The following SMAD9 variants were observed in gnomAD, a reference collection of about 807,000 sequenced individuals.
SMAD9 encodes MAD homolog 9.
SMAD9 carries 36 observed loss-of-function variants against 46.1 expected under a neutral mutation model. That is an observed-to-expected ratio of 0.78 (90% CI 0.60 to 1.03). SMAD9 has a LOEUF of 1.03. Ranked by LOEUF, SMAD9 falls within the 50% of genes least tolerant of loss-of-function variation. The pLI is 0.00. For missense variants in SMAD9, 572 were observed against 599.8 expected (o/e 0.95, Z 0.48); for synonymous variants, 245 against 237.1 (o/e 1.03, Z -0.31).
chr13:36,849,276 T>A (rs1331331866), intron 6 of SMAD9: 1 of 7,318 alleles, frequency 1.4e-4, no homozygotes, highest in African/African-American at 3.6e-4. Context: ...GCTTGCTTAT[T>A]CTCTCTCTCT....
rs138461994 is a variant in SMAD9 at position 36,859,713 on chromosome 13, C to T, written c.1003+5824G>A. ...CGGTGGCTCACGCCTGAAATCCCAG[C>T]ACTTTGGGAAGCCGAGGCGGGTGGA... On this transcript the variant is annotated intron_variant, in intron 5 of 6. Coordinates refer to ENST00000379826, the MANE Select transcript of SMAD9 (RefSeq NM_001127217.3). Among the ~76,000 whole-genome samples, 130 of 152,302 alleles carry T rather than the reference C, an allele frequency of 8.5e-4. 2 individuals carry two copies. The highest frequency in any genetic ancestry group is 2.9e-3 in the African/African-American group (122 of 41,576).
Position 36,887,186 on chromosome 13 carries a change from G to C in SMAD9, c.-186-7311C>G, listed in dbSNP as rs147620489. On this transcript the variant is annotated intron_variant, in intron 1 of 6. Transcript: ENST00000379826. ...TGTCCAGTTTGAATGGGTTTGAAAA[G>C]CAAAGAAGTTAAATGATCTGACTAG... 3.2e-4 allele frequency among the ~76,000 whole-genome samples: 45 copies of C among 139,454 alleles called. No individual in the cohort carries two copies. The East Asian group carries it at 1.0e-2, about 31-fold the overall frequency. The allele number at this position is 139,454 out of a possible 152,430, so 91.5% of individuals were successfully genotyped here. A position where few individuals can be genotyped will look rare whatever the true frequency, so the allele number is the denominator to read the frequency against.
At chr13:36,886,634 G>C (rs1412651756) in intron 1 of SMAD9, among the ~76,000 whole-genome samples, 2 of 152,266 alleles carry the variant, frequency 1.3e-5, no homozygotes, top group Non-Finnish European at 2.9e-5. Flanking sequence ...CATGGCCCTT[G>C]CCCTTACAGG....
intron 5 of SMAD9, among the ~76,000 whole-genome samples, chr13:36,864,362 T>C (rs1020904869): frequency 6.6e-6 from 1 of 152,092 alleles, no homozygotes; most frequent in African/African-American, 2.4e-5. Flanking sequence ...GAATAGGGGT[T>C]AGGTAAAATA....
At position 36,879,267 on chromosome 13, in the gene SMAD9, AGAC is replaced by A; in HGVS notation, c.412+8_412+10del. The A allele has an allele frequency of 6.2e-7, 1 of 1,613,426 alleles. No homozygotes were observed. Among genetic ancestry groups the A allele is most frequent in the African/African-American group, 1.3e-5 (1 of 75,018 alleles). On this transcript the variant is annotated splice_region_variant and intron_variant, in intron 2 of 6. Coordinates refer to ENST00000379826, the MANE Select transcript of SMAD9 (RefSeq NM_001127217.3). The stretch of plus-strand genomic sequence containing the variant: ...CTGAAAATAAACCTTGACGTCGTAA[AGAC>A]GACCCACCTGGAGTCTCCACCCGGC...
chr13:36,908,358 C>G (rs1348849976), intron 1 of SMAD9, among the ~76,000 whole-genome samples: 1 of 152,136 alleles, frequency 6.6e-6, no homozygotes, highest in East Asian at 1.9e-4. Flanking sequence ...AACAAACATT[C>G]CTAGATTCAA....
At chr13:36,859,584 C>T (rs563538) in intron 5 of SMAD9, among the ~76,000 whole-genome samples, 9,800 of 152,168 alleles carry the variant, frequency 0.064, 614 homozygotes, top group African/African-American at 0.16. Context: ...AATGCCATGG[C>T]GAACATGGTA....
intron 2 of SMAD9, among the ~76,000 whole-genome samples, chr13:36,877,281 G>A (rs1292142864): frequency 6.6e-6 from 1 of 152,190 alleles, no homozygotes; most frequent in African/African-American, 2.4e-5. Context: ...AGAATCGCTT[G>A]AACTGGGGAG....
At chr13:36,910,173 G>A (rs2058650223) in intron 1 of SMAD9, among the ~76,000 whole-genome samples, 1 of 151,760 alleles carries the variant, frequency 6.6e-6, no homozygotes, top group Non-Finnish European at 1.5e-5. Flanking sequence ...CTCCGGCGTG[G>A]GGGACACAGC....
At chr13:36,905,959 C>A (rs2058617305) in intron 1 of SMAD9, among the ~76,000 whole-genome samples, 1 of 152,162 alleles carries the variant, frequency 6.6e-6, no homozygotes, top group Non-Finnish European at 1.5e-5. Flanking sequence ...GTATGAGCCA[C>A]TGCGCCTGGA....
rs564320003 is a variant in SMAD9 at position 36,867,235 on chromosome 13, G to A, written c.781+38C>T. 3.8e-6 allele frequency: 5 copies of A among 1,327,230 alleles called. No homozygotes were observed. In the East Asian group the frequency reaches 1.0e-4, roughly 27 times the overall value. 82.2% of individuals were successfully genotyped at this position (1,327,230 alleles called of 1,614,324 possible). ...TTTGGGGGTAATAGGAAATACTTTT[G>A]GAAAATAGCTACATTTCACTGTTCA... On this transcript the variant is annotated intron_variant, in intron 4 of 6. Coordinates refer to ENST00000379826, the MANE Select transcript of SMAD9 (RefSeq NM_001127217.3).
At chr13:36,897,031 C>CAA (rs1304793233) in intron 1 of SMAD9, among the ~76,000 whole-genome samples, 13 of 150,892 alleles carry the variant, frequency 8.6e-5, no homozygotes, top group African/African-American at 3.2e-4. Flanking sequence ...AGCTGGTTTT[C>CAA]AACAGCTTCA....
chr13:36,870,652 C>T (rs1036660847), intron 3 of SMAD9, among the ~76,000 whole-genome samples: 1 of 152,190 alleles, frequency 6.6e-6, no homozygotes, highest in Non-Finnish European at 1.5e-5. Context: ...CAGTCCGAGA[C>T]CCCCAGTGGC....
intron 1 of SMAD9, among the ~76,000 whole-genome samples, chr13:36,910,066 G>A (rs955238977): frequency 6.6e-5 from 10 of 151,994 alleles, no homozygotes; most frequent in Non-Finnish European, 1.0e-4. Context: ...GCGTGGTGGC[G>A]GGCGCCTGTA....
Position 36,909,099 on chromosome 13 carries a change from C to G in SMAD9, c.-187+11017G>C, listed in dbSNP as rs376160650. The stretch of plus-strand genomic sequence containing the variant: ...TAGAATGTTACTATTGATTGGATAT[C>G]ATTTTTAAAGTTTCAACGGAGATTT... On this transcript the variant is annotated intron_variant, in intron 1 of 6. Coordinates refer to ENST00000379826, the MANE Select transcript of SMAD9 (RefSeq NM_001127217.3). 5.3e-5 allele frequency among the ~76,000 whole-genome samples: 8 copies of G among 152,296 alleles called. No individual in the cohort carries two copies. The East Asian group carries it at 7.7e-4, about 15-fold the overall frequency.
intron 3 of SMAD9, among the ~76,000 whole-genome samples, chr13:36,869,025 T>C (rs1408507038): frequency 2.6e-5 from 4 of 152,042 alleles, no homozygotes; most frequent in African/African-American, 9.7e-5. Flanking sequence ...GGGGCAAATA[T>C]TGCATGAATC....
chr13:36,848,736 C>T lies in SMAD9; in HGVS notation c.1344G>A (p.Trp448Ter). 1 of 1,614,034 alleles carries T rather than the reference C, an allele frequency of 6.2e-7. No homozygotes were observed. The highest frequency in any genetic ancestry group is 8.5e-7 in the Non-Finnish European group (1 of 1,179,920). Residue 448 changes from tryptophan to a stop codon, truncating the protein, a stop_gained, in exon 7 of 7, where the codon TGG (tryptophan) becomes TGA (stop). Transcript: ENST00000379826. LOFTEE classifies it high-confidence loss of function. ...IEIHLHGPLQ[W>*]LDKVLTQMGS... ...CCATCTGAGTCAGAACTTTGTCCAG[C>T]CACTGCAGTGGCCCATGAAGATGAA...
intron 2 of SMAD9, among the ~76,000 whole-genome samples, chr13:36,873,725 T>C (rs570589031): frequency 6.6e-6 from 1 of 152,148 alleles, no homozygotes; most frequent in African/African-American, 2.4e-5. Context: ...TAGCCGGGTG[T>C]GGTGGCGGGC....
At chr13:36,911,658 T>C (rs2058662889) in intron 1 of SMAD9, among the ~76,000 whole-genome samples, 1 of 142,376 alleles carries the variant, frequency 7.0e-6, no homozygotes, top group Admixed American at 7.3e-5. Context: ...TGATAAAGAA[T>C]CACAAATAAG....
Sources: allele counts gnomAD v4.1 joint callset (sites outside exome capture counted in the v4.1 genomes callset), GRCh38; gene constraint gnomAD v4.1.1; transcripts MANE v1.5; gene names NCBI Gene and HGNC (gene_info 2026-07-23, HGNC 2026-07-21).